Variants in AGTPBP1 observed in about 807,000 individuals in gnomAD.
AGTPBP1 encodes cytosolic carboxypeptidase 1.
In AGTPBP1, 70 loss-of-function variants were observed where a neutral mutation model predicts 143.9. That is an observed-to-expected ratio of 0.49 (90% CI 0.40 to 0.59). The LOEUF is 0.59. AGTPBP1 is among the 20% of genes least tolerant of loss of function. AGTPBP1 has a pLI of 0.00. For synonymous variants in AGTPBP1, 463 were observed against 500.2 expected, an observed-to-expected ratio of 0.93 and a Z score of 0.99; for missense variants, 1,229 against 1,464.5, an observed-to-expected ratio of 0.84 and a Z score of 2.62.
chr9:85,592,813 T>C lies in AGTPBP1; in HGVS notation c.2424-109A>G, dbSNP rs1022085645. The C allele has an allele frequency of 1.8e-5, 24 of 1,325,538 alleles. No homozygotes were observed. In the African/African-American group the frequency reaches 3.4e-4, roughly 19 times the overall value. The allele number at this position is 1,325,538 out of a possible 1,614,324, so 82.1% of individuals were successfully genotyped here. ...GGGAAAAAAGAAAAACCCGAGTCTG[T>C]AAAAAGTGTAACTTAAATACCCTAT... is the stretch of plus-strand genomic sequence containing the variant. On this transcript the variant is annotated intron_variant, in intron 18 of 25. Transcript: ENST00000357081.
rs1838319461 is a variant in AGTPBP1, at chr9:85,724,231, G to T, written c.-33-11665C>A. ...GAACCTGGGAGGCAGGGGTTACAGT[G>T]AGCCAAGATCACACCATTGCACTCC... On this transcript the variant is annotated intron_variant, in intron 1 of 25. Coordinates refer to ENST00000357081, the MANE Select transcript of AGTPBP1 (RefSeq NM_001330701.2). Among the ~76,000 whole-genome samples, 4 of 148,262 alleles carry T rather than the reference G, an allele frequency of 2.7e-5. No homozygotes were observed. The South Asian group carries it at 8.5e-4, about 32-fold the overall frequency.
chr9:85,707,463 A>G lies in AGTPBP1; in HGVS notation c.32+5039T>C, dbSNP rs571164269. On this transcript the variant is annotated intron_variant, in intron 2 of 25. Coordinates refer to ENST00000357081, the MANE Select transcript of AGTPBP1 (RefSeq NM_001330701.2). ...CAAAAGCTTGTTCTTTGAGGATATC[A>G]GTAGAACTGATAAACTTTCAACCAG... Among the ~76,000 whole-genome samples the G allele has an allele frequency of 7.9e-5, 12 of 152,330 alleles. No individual in the cohort carries two copies. In the South Asian group the frequency reaches 2.5e-3, roughly 32 times the overall value.
intron 17 of AGTPBP1, among the ~76,000 whole-genome samples, chr9:85,607,710 A>G (rs1036972664): frequency 6.6e-6 from 1 of 152,286 alleles, no homozygotes; most frequent in South Asian, 2.1e-4. Flanking sequence ...ATGTGCAAAT[A>G]CAAAGAAAGA....
chr9:85,751,868 A>C, the AGTPBP1 span, among the ~76,000 whole-genome samples: 1 of 150,926 alleles, frequency 6.6e-6, no homozygotes, highest in African/African-American at 2.4e-5. Context: ...CGGCCTCCCA[A>C]AGTGCTGGAT....
chr9:85,739,896 A>C (rs978932399), intron 1 of AGTPBP1, among the ~76,000 whole-genome samples: 1 of 147,970 alleles, frequency 6.8e-6, no homozygotes, highest in Non-Finnish European at 1.5e-5. Flanking sequence ...GCCTATAATC[A>C]AGAAGCTGAG....
the AGTPBP1 span, among the ~76,000 whole-genome samples, chr9:85,780,156 G>A: frequency 1.3e-5 from 2 of 151,958 alleles, no homozygotes; most frequent in Admixed American, 6.6e-5. Flanking sequence ...GCCAGTAGGG[G>A]AGAGTAGGTC....
intron 1 of AGTPBP1, among the ~76,000 whole-genome samples, chr9:85,735,123 C>T (rs1319406959): frequency 1.3e-5 from 2 of 152,174 alleles, no homozygotes; most frequent in Non-Finnish European, 2.9e-5. Flanking sequence ...TCACAAGCAA[C>T]CCAAGTGTCC....
the AGTPBP1 span, among the ~76,000 whole-genome samples, chr9:85,795,465 GAA>G: frequency 2.0e-5 from 3 of 152,140 alleles, no homozygotes; most frequent in African/African-American, 7.2e-5. Flanking sequence ...GCCTGTTGAG[GAA>G]AGACAGACAA....
the AGTPBP1 span, among the ~76,000 whole-genome samples, chr9:85,757,359 C>G: frequency 6.6e-6 from 1 of 152,024 alleles, no homozygotes; most frequent in African/African-American, 2.4e-5. Flanking sequence ...GCCACCATGC[C>G]CGGCCTTGAG....
chr9:85,751,816 A>G, the AGTPBP1 span, among the ~76,000 whole-genome samples: 1 of 149,092 alleles, frequency 6.7e-6, no homozygotes, highest in Non-Finnish European at 1.5e-5. Flanking sequence ...CATGTTGGCC[A>G]GGCTGGTCTT....
chr9:85,578,954 C>T lies in AGTPBP1; in HGVS notation c.3308G>A (p.Ser1103Asn), dbSNP rs1010865392. The T allele has an allele frequency of 1.2e-6, 2 of 1,613,338 alleles. No homozygotes were observed. Among genetic ancestry groups the T allele is most frequent in the African/African-American group, 2.7e-5 (2 of 74,846 alleles). The change falls in exon 24 of 26, where the codon AGT (serine) becomes AAT (asparagine). Residue 1103 changes from serine to asparagine, a missense_variant. This residue lies in a region of AGTPBP1 where 486 missense variants were observed against 652.3 expected (regional missense o/e 0.75). Coordinates refer to ENST00000357081, the MANE Select transcript of AGTPBP1 (RefSeq NM_001330701.2). ...TCCCTGATCACAGCCACATAAAGTA[C>T]TCTCCATGGTATAACTTCTTTGTAC... ...IGVQRSYTMESTLCGCDQGKY... is the reference protein window; with the variant it reads ...IGVQRSYTMENTLCGCDQGKY...
Position 85,732,815 on chromosome 9 carries a change from G to A in AGTPBP1, c.-34+8960C>T, listed in dbSNP as rs1044553236. Among the ~76,000 whole-genome samples the A allele has an allele frequency of 5.9e-5, 9 of 152,116 alleles. 1 individual carries two copies. In the East Asian group the frequency reaches 1.2e-3, roughly 20 times the overall value. ...TATTCCATGCAAATAGTAACCAAAAGAGAGCAGGAAGGGCTATACTAGTAT... is the reference window on the plus strand; with the variant it reads ...TATTCCATGCAAATAGTAACCAAAAAAGAGCAGGAAGGGCTATACTAGTAT... On this transcript the variant is annotated intron_variant, in intron 1 of 25. Transcript: ENST00000357081.
At chr9:85,675,104 G>A (rs993593122) in intron 6 of AGTPBP1, among the ~76,000 whole-genome samples, 7 of 151,992 alleles carry the variant, frequency 4.6e-5, no homozygotes, top group African/African-American at 1.7e-4. Flanking sequence ...CAGCATGCTG[G>A]CCAGGCTGAC....
chr9:85,773,957 A>C, the AGTPBP1 span: 1 of 1,609,568 alleles, frequency 6.2e-7, no homozygotes, highest in Non-Finnish European at 8.5e-7. Flanking sequence ...ACCATCTAAA[A>C]TTGCAGTGTG....
At chr9:85,760,755 G>C in the AGTPBP1 span, among the ~76,000 whole-genome samples, 1 of 152,178 alleles carries the variant, frequency 6.6e-6, no homozygotes, top group African/African-American at 2.4e-5. Flanking sequence ...ACATAGTGTT[G>C]AAAGTTCTGG....
chr9:85,729,953 G>A (rs1418386649), intron 1 of AGTPBP1, among the ~76,000 whole-genome samples: 1 of 152,166 alleles, frequency 6.6e-6, no homozygotes, highest in Admixed American at 6.5e-5. Context: ...CAGGCAGCTG[G>A]TGCACACCAG....
intron 14 of AGTPBP1, among the ~76,000 whole-genome samples, chr9:85,623,736 G>A (rs1286296272): frequency 5.4e-5 from 8 of 149,366 alleles, no homozygotes; most frequent in East Asian, 4.0e-4. Context: ...CAGCCTGGGC[G>A]ACAGAGCGAG....
chr9:85,765,677 A>G, the AGTPBP1 span, among the ~76,000 whole-genome samples: 1 of 152,080 alleles, frequency 6.6e-6, no homozygotes, highest in Non-Finnish European at 1.5e-5. Flanking sequence ...GCAAATATTT[A>G]TTGTTGGTGT....
chr9:85,769,427 T>TGTAG, the AGTPBP1 span, among the ~76,000 whole-genome samples: 1 of 151,060 alleles, frequency 6.6e-6, no homozygotes, highest in Non-Finnish European at 1.5e-5. Flanking sequence ...GGCGTGTGCC[T>TGTAG]GTAGTCCCAG....
Sources: allele counts gnomAD v4.1 joint callset (sites outside exome capture counted in the v4.1 genomes callset), GRCh38; gene constraint gnomAD v4.1.1; regional missense constraint gnomAD v4.1.1; transcripts MANE v1.5; gene names NCBI Gene and HGNC (gene_info 2026-07-23, HGNC 2026-07-21).